Variants in DOK2 observed in about 807,000 individuals in gnomAD.
DOK2 encodes docking protein 2, also known as docking protein 2, 56kD.
Under a neutral mutation model 26.0 loss-of-function variants are expected in DOK2, and 28 were observed. The ratio of observed to expected loss-of-function variants is 1.08; its 90% CI spans 0.80 to 1.48. The LOEUF is 1.48. Among genes scored for constraint, DOK2 ranks in the 40% most tolerant of loss-of-function variants. The pLI is 0.00. For missense variants in DOK2, 682 were observed against 558.2 expected, an observed-to-expected ratio of 1.22 and a Z score of -2.23; for synonymous variants, 282 against 236.9, an observed-to-expected ratio of 1.19 and a Z score of -1.75.
rs1563299594 is a variant in DOK2, at chr8:21,911,891, GC to G, written c.433+9del. ...CCCAGGGGAGAGCAGGGCAGCCCCC[GC>G]CCCCTCACCTGTGACTGCGCTGCTG... On this transcript the variant is annotated intron_variant, in intron 3 of 4. Coordinates refer to ENST00000276420, the MANE Select transcript of DOK2 (RefSeq NM_003974.4). 3.9e-6 allele frequency: 6 copies of G among 1,554,382 alleles called. No individual in the cohort carries two copies. Among genetic ancestry groups the G allele is most frequent in the Admixed American group, 1.9e-5 (1 of 51,380 alleles).
chr8:21,910,262 G>A (rs1303153623), intron 4 of DOK2, among the ~76,000 whole-genome samples: 1 of 151,994 alleles, frequency 6.6e-6, no homozygotes, highest in Non-Finnish European at 1.5e-5. Flanking sequence ...TTACAGGCAC[G>A]AGCCACCGCG....
At position 21,912,332 on chromosome 8, in the gene DOK2, G is replaced by T; in HGVS notation, c.242C>A (p.Thr81Asn). The change falls in exon 2 of 5, where the codon ACC becomes AAC. Residue 81 changes from threonine (T) to asparagine (N), a missense_variant. Transcript: ENST00000276420. The part of the protein sequence containing the change: ...AGGEASSPRD[T>N]SAFFLETKER... Reference sequence around the variant, plus strand: ...CTTGGTCTCCAGGAAGAAGGCACTGGTGTCCCGGGGGCTGCTGGCCTCTCC... The same window carrying T: ...CTTGGTCTCCAGGAAGAAGGCACTGTTGTCCCGGGGGCTGCTGGCCTCTCC... The T allele has an allele frequency of 1.2e-6, 2 of 1,607,634 alleles. No homozygotes were observed. The highest frequency in any genetic ancestry group is 1.7e-6 in the Non-Finnish European group (2 of 1,178,516).
chr8:21,910,877 G>T lies in DOK2; in HGVS notation c.434-20C>A. The stretch of plus-strand genomic sequence containing the variant: ...GGCCGACTGGGGAGAAGAAGAGAGA[G>T]AAGGCGAAGGCAGTTAATGGGAAAC... On this transcript the variant is annotated intron_variant, in intron 3 of 4. Coordinates refer to ENST00000276420, the MANE Select transcript of DOK2 (RefSeq NM_003974.4). 6.3e-7 allele frequency: 1 copy of T among 1,581,308 alleles called. No homozygotes were observed. The highest frequency in any genetic ancestry group is 8.6e-7 in the Non-Finnish European group (1 of 1,163,052).
rs760317078 is a variant in DOK2 at position 21,909,941 on chromosome 8, G to A, written c.619-10C>T. The A allele has an allele frequency of 1.2e-6, 2 of 1,601,778 alleles. No homozygotes were observed. Among genetic ancestry groups the A allele is most frequent in the Admixed American group, 1.7e-5 (1 of 59,618 alleles). ...CAAAGGAAAAGGTTACCTGGACCAG[G>A]GAGAAAGCAGGTTATTGGCCAGGCC... On this transcript the variant is annotated splice_polypyrimidine_tract_variant and intron_variant, in intron 4 of 4. Transcript: ENST00000276420.
At chr8:21,911,811 G>A (rs1046659953) in intron 3 of DOK2, 90 bp downstream of exon 3, 11 of 1,355,860 alleles carry the variant, frequency 8.1e-6, no homozygotes, top group Non-Finnish European at 7.9e-6. Context: ...AGGAAGACTC[G>A]GGGCCAGCAG....
rs199672927 is a variant in DOK2 at position 21,913,615 on chromosome 8, C to T, written c.-14G>A. Reference sequence around the variant, plus strand: ...CCCGTCTCCCATCCTCTGACCATCTCGGAGCCCCAGGCTTCAGCTCTCTCC... The same window carrying T: ...CCCGTCTCCCATCCTCTGACCATCTTGGAGCCCCAGGCTTCAGCTCTCTCC... On this transcript the variant is annotated 5_prime_UTR_variant, in exon 1 of 5. Transcript: ENST00000276420. The T allele has an allele frequency of 1.5e-4, 242 of 1,613,854 alleles. No homozygotes were observed. The African/African-American group carries it at 2.0e-3, about 13-fold the overall frequency.
chr8:21,913,405 T>G, intron 1 of DOK2, 134 bp downstream of exon 1: 3 of 1,046,980 alleles, frequency 2.9e-6, no homozygotes, highest in South Asian at 1.6e-5. Context: ...CTCCCAAAGT[T>G]GAGCTCTGGG....
chr8:21,909,114 TTC>T lies in DOK2; in HGVS notation c.*195_*196del, dbSNP rs1809709100. 5 of 565,340 alleles carry T rather than the reference TTC, an allele frequency of 8.8e-6. No homozygotes were observed. The highest frequency in any genetic ancestry group is 1.5e-5 in the Non-Finnish European group (5 of 324,918). 35.0% of individuals were successfully genotyped at this position (565,340 alleles called of 1,614,324 possible). A position where few individuals can be genotyped will look rare whatever the true frequency, so the allele number is the denominator to read the frequency against. ...TGGAAAAAGAGTAGGAGGAGGGTGG[TTC>T]TCTCCAGGGCACCCTTCCTGCTTTG... is the stretch of plus-strand genomic sequence containing the variant. On this transcript the variant is annotated 3_prime_UTR_variant, in exon 5 of 5. Coordinates refer to ENST00000276420, the MANE Select transcript of DOK2 (RefSeq NM_003974.4).
rs150255026 is a variant in DOK2, at chr8:21,909,781, G to C, written c.769C>G (p.Pro257Ala). 3.7e-5 allele frequency: 60 copies of C among 1,613,986 alleles called. No individual in the cohort carries two copies. In the African/African-American group the frequency reaches 6.9e-4, roughly 19 times the overall value. The change falls in exon 5 of 5, where the codon CCA (proline) becomes GCA (alanine). Residue 257 changes from proline (P) to alanine (A), a missense_variant. Physicochemically the swap from Pro to Ala is conservative, Grantham distance 27. Coordinates refer to ENST00000276420, the MANE Select transcript of DOK2 (RefSeq NM_003974.4). ...NAAPATPQPQ[P>A]ATIPASLPRP... Reference sequence around the variant, plus strand: ...GGCAGCGACGCGGGGATTGTGGCTGGCTGCGGTTGGGGTGTAGCGGGTGCA... The same window carrying C: ...GGCAGCGACGCGGGGATTGTGGCTGCCTGCGGTTGGGGTGTAGCGGGTGCA...
intron 3 of DOK2, among the ~76,000 whole-genome samples, chr8:21,911,482 C>T (rs1809842773): frequency 6.6e-6 from 1 of 152,218 alleles, no homozygotes; most frequent in Non-Finnish European, 1.5e-5. Context: ...GTGGCCGACG[C>T]CTGTAATCCC....
At position 21,911,219 on chromosome 8, in the gene DOK2, G is replaced by T. The variant is rs1809832647; in HGVS notation, c.434-362C>A. On this transcript the variant is annotated intron_variant, in intron 3 of 4. Transcript: ENST00000276420. ...CCCTACGGTCACAGCTGCAGGTGAA[G>T]CCTTGGCCCTGCCCTCCCACTGCCG... The T allele has an allele frequency of 2.0e-5, 5 of 248,272 alleles. No homozygotes were observed. The South Asian group carries it at 3.7e-4, about 19-fold the overall frequency. 15.4% of individuals were successfully genotyped at this position (248,272 alleles called of 1,614,324 possible). A position where few individuals can be genotyped will look rare whatever the true frequency, so the allele number is the denominator to read the frequency against.
At chr8:21,913,242 G>C (rs941519881) in intron 1 of DOK2, among the ~76,000 whole-genome samples, 37 of 152,176 alleles carry the variant, frequency 2.4e-4, no homozygotes, top group African/African-American at 8.0e-4. Context: ...CCGGTGAAAA[G>C]AAGTCAACAT....
At position 21,910,735 on chromosome 8, in the gene DOK2, CG is replaced by C. The variant is rs771236641; in HGVS notation, c.555del (p.Glu186SerfsTer22). On this transcript the variant is annotated frameshift_variant, in exon 4 of 5. Coordinates refer to ENST00000276420, the MANE Select transcript of DOK2 (RefSeq NM_003974.4). LOFTEE classifies it high-confidence loss of function. The stretch of plus-strand genomic sequence containing the variant: ...CAGTCGTACAGCTGGGTCCCTGGCT[CG>C]GGCCCACCCCACAGCTCCAGGGCAC... Reference protein sequence around the residue: ...GESALELWGGPEPGTQLYDWP... With the variant: ...GESALELWGGXEPGTQLYDWP... 14 of 1,614,072 alleles carry C rather than the reference CG, an allele frequency of 8.7e-6. No homozygotes were observed. In the Admixed American group the frequency reaches 2.0e-4, roughly 23 times the overall value.
At position 21,909,043 on chromosome 8, in the gene DOK2, A is replaced by C; in HGVS notation, c.*268T>G. On this transcript the variant is annotated 3_prime_UTR_variant, in exon 5 of 5. Transcript: ENST00000276420. ...CTGACATCCTTTTGTCCTCTGCCCT[A>C]AATGCCCCAGGTTCCTCCTCAGCTG... The C allele has an allele frequency of 2.8e-6, 1 of 357,658 alleles. No individual in the cohort carries two copies. Among genetic ancestry groups the C allele is most frequent in the Non-Finnish European group, 5.1e-6 (1 of 197,688 alleles). 22.2% of individuals were successfully genotyped at this position (357,658 alleles called of 1,614,324 possible).
In DOK2 at chr8:21,909,661, C is replaced by G. The variant is rs1484068823; in HGVS notation, c.889G>C (p.Gly297Arg). ...VPAPRPRGQE[G>R]EYAVPFDAVA... ...GCATCGAAGGGCACGGCATACTCCCCCTCCTGGCCCCGAGGCCGTGGAGCA... is the reference window on the plus strand; with the variant it reads ...GCATCGAAGGGCACGGCATACTCCCGCTCCTGGCCCCGAGGCCGTGGAGCA... Residue 297 changes from glycine to arginine, a missense_variant, in exon 5 of 5, where the codon GGG (glycine) becomes CGG (arginine). Physicochemically the swap from Gly to Arg is moderately radical, Grantham distance 125. Transcript: ENST00000276420. The G allele has an allele frequency of 6.2e-7, 1 of 1,613,026 alleles. No individual in the cohort carries two copies. Among genetic ancestry groups the G allele is most frequent in the Non-Finnish European group, 8.5e-7 (1 of 1,180,036 alleles).
intron 1 of DOK2, 159 bp from the exon 2 acceptor site, chr8:21,912,669 A>C: frequency 1.5e-6 from 1 of 687,968 alleles, no homozygotes; most frequent in East Asian, 2.8e-5. Flanking sequence ...AGGGAGGCAG[A>C]GAAGAGGACA....
At chr8:21,912,072 CCTGCTGGCTCTGT>C in intron 2 of DOK2, 84 bp from the exon 3 acceptor site, 1 of 1,493,514 alleles carries the variant, frequency 6.7e-7, no homozygotes, top group Non-Finnish European at 8.9e-7. Context: ...GCCACCTCAA[CCTGCTGGCTCTGT>C]CTGCACACTG....
In DOK2 at chr8:21,910,877, G is replaced by A. The variant is rs1164623103; in HGVS notation, c.434-20C>T. On this transcript the variant is annotated intron_variant, in intron 3 of 4. Transcript: ENST00000276420. ...GGCCGACTGGGGAGAAGAAGAGAGA[G>A]AAGGCGAAGGCAGTTAATGGGAAAC... The A allele has an allele frequency of 6.3e-7, 1 of 1,581,190 alleles. No homozygotes were observed. The highest frequency in any genetic ancestry group is 1.4e-5 in the African/African-American group (1 of 74,050).
rs758287012 is a variant in DOK2, at chr8:21,909,340, T to A, written c.1210A>T (p.Asn404Tyr). Reference sequence around the variant, plus strand: ...TTTGGGCCTTTCTTTAGTACAACATTGTCATACTCAGTTCCTGGCTGCCAG... The same window carrying A: ...TTTGGGCCTTTCTTTAGTACAACATAGTCATACTCAGTTCCTGGCTGCCAG... ...SGWQPGTEYD[N>Y]VVLKKGPK is the part of the protein sequence containing the mutation. Residue 404 changes from asparagine (N) to tyrosine (Y), a missense_variant, in exon 5 of 5, where the codon AAT becomes TAT. By Grantham distance (143) the Asn-to-Tyr change is moderately radical (BLOSUM62 -2). Transcript: ENST00000276420. The A allele has an allele frequency of 6.5e-7, 1 of 1,550,030 alleles. No individual in the cohort carries two copies. Among genetic ancestry groups the A allele is most frequent in the Admixed American group, 1.9e-5 (1 of 51,756 alleles).
Sources: allele counts gnomAD v4.1 joint callset (sites outside exome capture counted in the v4.1 genomes callset), GRCh38; gene constraint gnomAD v4.1.1; transcripts MANE v1.5; gene names NCBI Gene and HGNC (gene_info 2026-07-23, HGNC 2026-07-21).